The following MEF2C variants were observed in gnomAD, a reference collection of about 807,000 sequenced individuals.
The protein encoded by MEF2C is myocyte enhancer factor 2C.
Under a neutral mutation model 50.5 loss-of-function variants are expected in MEF2C, and 6 were observed. The observed-to-expected ratio is 0.12, with a 90% CI of 0.07 to 0.23. The LOEUF (loss-of-function observed/expected upper bound fraction) is 0.23, where lower values mean the gene tolerates loss of function less well. MEF2C is among the 10% of genes least tolerant of loss of function. MEF2C has a pLI of 1.00. For synonymous variants in MEF2C, 183 were observed against 228.0 expected (o/e 0.80, Z 1.78); for missense variants, 276 against 605.0 (o/e 0.46, Z 5.70).
chr5:88,840,050 C>G (rs1004395156), intron 1 of MEF2C, among the ~76,000 whole-genome samples: 2 of 152,152 alleles, frequency 1.3e-5, no homozygotes, highest in Admixed American at 1.3e-4. Context: ...TTAATATTGG[C>G]AAGAGTTATG....
chr5:88,867,749 A>G (rs1386851240), intron 1 of MEF2C, among the ~76,000 whole-genome samples: 1 of 152,238 alleles, frequency 6.6e-6, no homozygotes, highest in Non-Finnish European at 1.5e-5. Flanking sequence ...AGTATCAATT[A>G]TATTTATAGA....
chr5:88,807,932 A>G (rs1801210899), intron 2 of MEF2C, among the ~76,000 whole-genome samples: 1 of 152,156 alleles, frequency 6.6e-6, no homozygotes, highest in Non-Finnish European at 1.5e-5. Context: ...TCTTTCTTGT[A>G]ATTGTCAGTG....
intron 1 of MEF2C, among the ~76,000 whole-genome samples, chr5:88,880,029 C>T (rs555138275): frequency 6.7e-6 from 1 of 149,906 alleles, no homozygotes; most frequent in Admixed American, 6.6e-5. Context: ...AACAGTCAAG[C>T]TTTACTGAGT....
chr5:88,722,754 C>T lies in MEF2C; in HGVS notation c.1272G>A (p.Leu424=), dbSNP rs1756783148. 1 of 1,613,820 alleles carries T rather than the reference C, an allele frequency of 6.2e-7. No homozygotes were observed. The highest frequency in any genetic ancestry group is 1.3e-5 in the African/African-American group (1 of 74,876). ...CGTCGTACGAACTGCTACAGCTGCT[C>T]AAGCTGTCAACAGGAGATCTCCCCG... ...HEAGRSPVDS[L]SSCSSSYDGS... is the part of the protein sequence containing the mutation. The change falls in exon 11 of 11, where the codon TTG becomes TTA. Residue 424 remains leucine, a synonymous_variant. Coordinates refer to ENST00000504921, the MANE Select transcript of MEF2C (RefSeq NM_002397.5).
At chr5:88,827,781 T>C (rs1332191644) in intron 1 of MEF2C, among the ~76,000 whole-genome samples, 1 of 150,934 alleles carries the variant, frequency 6.6e-6, no homozygotes, top group African/African-American at 2.4e-5. Flanking sequence ...TTGAGGCAAA[T>C]GAAAAATATG....
At chr5:88,757,376 A>C (rs1459286489) in intron 4 of MEF2C, among the ~76,000 whole-genome samples, 1 of 152,056 alleles carries the variant, frequency 6.6e-6, no homozygotes, top group Non-Finnish European at 1.5e-5. Flanking sequence ...GACACCTTTA[A>C]ATTTTGATTA....
At chr5:88,894,882 T>C (rs905178327) in intron 1 of MEF2C, among the ~76,000 whole-genome samples, 2 of 152,090 alleles carry the variant, frequency 1.3e-5, no homozygotes, top group Admixed American at 1.3e-4. Context: ...CAGCGGAGGG[T>C]AACTAGGAAA....
chr5:88,838,795 A>C, intron 1 of MEF2C: 1 of 925,552 alleles, frequency 1.1e-6, no homozygotes, highest in Middle Eastern at 5.5e-4. Flanking sequence ...GTCTACTACA[A>C]ATCCTTCTAT....
At chr5:88,875,939 T>C (rs995516892) in intron 1 of MEF2C, among the ~76,000 whole-genome samples, 2 of 151,932 alleles carry the variant, frequency 1.3e-5, no homozygotes, top group African/African-American at 2.4e-5. Context: ...AATAAAAATA[T>C]ACCAGAACTC....
intron 3 of MEF2C, among the ~76,000 whole-genome samples, chr5:88,801,709 A>T (rs1328588872): frequency 6.6e-6 from 1 of 151,960 alleles, no homozygotes; most frequent in Non-Finnish European, 1.5e-5. Flanking sequence ...GATGATCTTG[A>T]TCTCCTGACC....
rs1755146270 is a variant in MEF2C at position 88,717,904 on chromosome 5, G to A, written c.*4700C>T. The A allele has an allele frequency of 6.6e-6, 1 of 152,110 alleles. No individual in the cohort carries two copies. The highest frequency in any genetic ancestry group is 6.5e-5 in the Admixed American group (1 of 15,270). The allele number at this position is 152,110 out of a possible 1,614,324, so 9.4% of individuals were successfully genotyped here. A position where few individuals can be genotyped will look rare whatever the true frequency, so the allele number is the denominator to read the frequency against. On this transcript the variant is annotated 3_prime_UTR_variant, in exon 11 of 11. Transcript: ENST00000504921. ...GATTTTAGTTAAAAAATAACTTATGGTACTGCTTTTCACAGTGGCTTTTGA... is the reference window on the plus strand; with the variant it reads ...GATTTTAGTTAAAAAATAACTTATGATACTGCTTTTCACAGTGGCTTTTGA...
At chr5:88,743,845 C>T (rs1048465764) in intron 6 of MEF2C, 51 of 978,710 alleles carry the variant, frequency 5.2e-5, no homozygotes, top group Non-Finnish European at 5.9e-5. Flanking sequence ...AATTAACATT[C>T]AAAATAAGAA....
At chr5:88,889,390 C>T (rs543697732) in intron 1 of MEF2C, 16 of 137,924 alleles carry the variant, frequency 1.2e-4, no homozygotes, top group African/African-American at 3.8e-4. Flanking sequence ...CCCCCCCCTT[C>T]CCCCCCCCCT....
chr5:88,896,678 C>G (rs1418218689), intron 1 of MEF2C, among the ~76,000 whole-genome samples: 2 of 152,116 alleles, frequency 1.3e-5, no homozygotes, highest in African/African-American at 4.8e-5. Flanking sequence ...ACTCAAGATT[C>G]AAAAGGAAGA....
At chr5:88,812,665 C>A (rs995479920) in intron 2 of MEF2C, among the ~76,000 whole-genome samples, 1 of 152,082 alleles carries the variant, frequency 6.6e-6, no homozygotes, top group African/African-American at 2.4e-5. Flanking sequence ...GACAGTATCT[C>A]TTTGAACTTA....
chr5:88,873,352 T>C (rs911464303), intron 1 of MEF2C, among the ~76,000 whole-genome samples: 10 of 152,048 alleles, frequency 6.6e-5, no homozygotes, highest in Non-Finnish European at 5.9e-5. Flanking sequence ...AGGAGGTAAG[T>C]TAGCATCTAA....
intron 6 of MEF2C, chr5:88,737,937 A>G: frequency 1.0e-6 from 1 of 985,360 alleles, no homozygotes. Context: ...GGAAAGGAAC[A>G]ATGATGGCAG....
At chr5:88,807,984 A>G (rs1475874013) in intron 2 of MEF2C, among the ~76,000 whole-genome samples, 1 of 152,136 alleles carries the variant, frequency 6.6e-6, no homozygotes, top group African/African-American at 2.4e-5. Flanking sequence ...GTCTTTCTAA[A>G]GTACTTCTGA....
Position 88,722,490 on chromosome 5 carries a change from T to G in MEF2C, c.*114A>C, listed in dbSNP as rs553843099. On this transcript the variant is annotated 3_prime_UTR_variant, in exon 11 of 11. Transcript: ENST00000504921. ...CTTTTACAAAACAGAGTACCTGACT[T>G]TTTTTTTTTCCACACACGGCACATA... The G allele has an allele frequency of 1.1e-6, 1 of 919,652 alleles. No individual in the cohort carries two copies. Among genetic ancestry groups the G allele is most frequent in the African/African-American group, 1.7e-5 (1 of 59,594 alleles). The allele number at this position is 919,652 out of a possible 1,614,324, so 57.0% of individuals were successfully genotyped here.
Sources: allele counts gnomAD v4.1 joint callset (sites outside exome capture counted in the v4.1 genomes callset), GRCh38; gene constraint gnomAD v4.1.1; transcripts MANE v1.5; gene names NCBI Gene and HGNC (gene_info 2026-07-23, HGNC 2026-07-21).